Variants in PCDHGA6 observed in about 807,000 individuals in gnomAD.
PCDHGA6 encodes protocadherin gamma subfamily A, 6.
A neutral mutation model predicts 60.6 loss-of-function variants in PCDHGA6; 41 were observed. The ratio of observed to expected loss-of-function variants is 0.68; its 90% CI spans 0.53 to 0.88. The LOEUF is 0.88. Ranked by LOEUF, PCDHGA6 falls within the 40% of genes least tolerant of loss-of-function variation. PCDHGA6 has a pLI of 0.00. For missense variants in PCDHGA6, 1,312 were observed against 1,203.0 expected (o/e 1.09, Z -1.34); for synonymous variants, 594 against 524.4 (o/e 1.13, Z -1.81).
intron 1 of PCDHGA6, chr5:141,398,682 A>G (rs767093587): frequency 1.4e-5 from 23 of 1,613,842 alleles, no homozygotes; most frequent in Non-Finnish European, 1.9e-5. Flanking sequence ...TTAAGGAGAA[A>G]CAGGATGGTA....
At chr5:141,506,188 C>A (rs925159785) in intron 3 of PCDHGA6, among the ~76,000 whole-genome samples, 1 of 152,058 alleles carries the variant, frequency 6.6e-6, no homozygotes, top group Non-Finnish European at 1.5e-5. Flanking sequence ...TGGTGGCTCA[C>A]GCCTGTAATC....
chr5:141,462,656 A>G (rs1427673992), intron 1 of PCDHGA6, among the ~76,000 whole-genome samples: 2 of 151,950 alleles, frequency 1.3e-5, no homozygotes, highest in African/African-American at 4.8e-5. Context: ...ATCCTCAATT[A>G]TCTTCATATT....
chr5:141,511,048 C>G lies in PCDHGA6; in HGVS notation c.2674C>G (p.Arg892Gly). The G allele has an allele frequency of 6.2e-7, 1 of 1,614,224 alleles. No homozygotes were observed. Among genetic ancestry groups the G allele is most frequent in the Non-Finnish European group, 8.5e-7 (1 of 1,180,028 alleles). ...QFTLQHVPDYRQNVYIPGSNA... is the reference protein window; with the variant it reads ...QFTLQHVPDYGQNVYIPGSNA... ...CACCCTGCAGCACGTGCCCGACTAC[C>G]GCCAGAATGTCTACATCCCAGGCAG... Residue 892 changes from arginine (R) to glycine (G), a missense_variant, in exon 4 of 4, where the codon CGC becomes GGC. Arg to Gly is a moderately radical substitution (Grantham distance 125, BLOSUM62 -2). Transcript: ENST00000517434.
rs371690754 is a variant in PCDHGA6 at position 141,388,891 on chromosome 5, T to C, written c.2424+12384T>C. 1.9e-5 allele frequency: 31 copies of C among 1,613,872 alleles called. No individual in the cohort carries two copies. Among genetic ancestry groups the C allele is most frequent in the Middle Eastern group, 1.6e-4 (1 of 6,062 alleles). On this transcript the variant is annotated intron_variant, in intron 1 of 3. Coordinates refer to ENST00000517434, the MANE Select transcript of PCDHGA6 (RefSeq NM_018919.3). ...CAATGCACAGTGGAGGTAGAAGTCA[T>C]AGATGAAAATGACAACGCCCCAGAA... is the stretch of plus-strand genomic sequence containing the variant.
At chr5:141,429,091 T>A (rs985605582) in intron 1 of PCDHGA6, 2 of 152,160 alleles carry the variant, frequency 1.3e-5, no homozygotes, top group African/African-American at 4.8e-5. Flanking sequence ...CCTGACCTCG[T>A]GATCTGCCCG....
Position 141,491,329 on chromosome 5 carries a change from G to A in PCDHGA6, c.2425-3478G>A. The A allele has an allele frequency of 6.2e-7, 1 of 1,614,142 alleles. No individual in the cohort carries two copies. Among genetic ancestry groups the A allele is most frequent in the Non-Finnish European group, 8.5e-7 (1 of 1,180,022 alleles). On this transcript the variant is annotated intron_variant, in intron 1 of 3. Coordinates refer to ENST00000517434, the MANE Select transcript of PCDHGA6 (RefSeq NM_018919.3). The surrounding 1 kb of genome is among the most constrained non-coding windows in gnomAD (Gnocchi z 6.9). ...AGACCTTACCCTTTACCTCATTGTG[G>A]CTCTAGCGACCGTCAGTCTCTTATC...
At chr5:141,444,299 G>A (rs1017908182) in intron 1 of PCDHGA6, among the ~76,000 whole-genome samples, 20 of 150,672 alleles carry the variant, frequency 1.3e-4, no homozygotes, top group Non-Finnish European at 2.7e-4. Context: ...AGCCTCCCTA[G>A]TAGCTAGGAT....
chr5:141,403,960 G>C (rs775638627), intron 1 of PCDHGA6: 2 of 1,613,658 alleles, frequency 1.2e-6, no homozygotes, highest in African/African-American at 1.3e-5. Flanking sequence ...TGCTCATTTC[G>C]GTGGAAGATG....
Position 141,485,574 on chromosome 5 carries a change from C to T in PCDHGA6, c.2425-9233C>T. 1 of 1,612,568 alleles carries T rather than the reference C, an allele frequency of 6.2e-7. No homozygotes were observed. Among genetic ancestry groups the T allele is most frequent in the Non-Finnish European group, 8.5e-7 (1 of 1,178,752 alleles). On this transcript the variant is annotated intron_variant, in intron 1 of 3. Transcript: ENST00000517434. This position sits in a 1 kb window ranked among gnomAD's most constrained non-coding sequence, Gnocchi z 5.7. ...GTGAATGATCACGCCCCCCGTTTTCCGCGGCAGCAGCTGGACTTGGAAATT... is the reference window on the plus strand; with the variant it reads ...GTGAATGATCACGCCCCCCGTTTTCTGCGGCAGCAGCTGGACTTGGAAATT...
At chr5:141,443,792 A>G (rs540226154) in intron 1 of PCDHGA6, among the ~76,000 whole-genome samples, 67 of 152,366 alleles carry the variant, frequency 4.4e-4, no homozygotes, top group African/African-American at 1.4e-3. Flanking sequence ...AAAAAAAATG[A>G]AAAGGAAACA....
At position 141,374,317 on chromosome 5, in the gene PCDHGA6, T is replaced by C; in HGVS notation, c.234T>C (p.Asn78=). The C allele has an allele frequency of 1.2e-6, 2 of 1,613,982 alleles. No individual in the cohort carries two copies. Among genetic ancestry groups the C allele is most frequent in the East Asian group, 2.2e-5 (1 of 44,860 alleles). The change falls in exon 1 of 4, where the codon AAT becomes AAC. Residue 78 remains asparagine, a synonymous_variant. Coordinates refer to ENST00000517434, the MANE Select transcript of PCDHGA6 (RefSeq NM_018919.3). The part of the protein sequence containing the change: ...SRGRMQLFSL[N]PRNGSLVTAG... ...GTAGGATGCAGCTTTTCTCTCTGAA[T>C]CCGCGAAACGGCAGCTTGGTCACCG... is the stretch of plus-strand genomic sequence containing the variant.
rs150249178 is a variant in PCDHGA6 at position 141,432,742 on chromosome 5, C to A, written c.2424+56235C>A. 154 of 1,614,076 alleles carry A rather than the reference C, an allele frequency of 9.5e-5. No individual in the cohort carries two copies. In the Middle Eastern group the frequency reaches 1.3e-3, roughly 14 times the overall value. On this transcript the variant is annotated intron_variant, in intron 1 of 3. Transcript: ENST00000517434. This position sits in a 1 kb window ranked among gnomAD's most constrained non-coding sequence, Gnocchi z 6.0. ...CTCTCTCCGCCACTGTCACGCTCAC[C>A]GTGGCCGTGGCCGACAGCATCCCCC... is the stretch of plus-strand genomic sequence containing the variant.
At chr5:141,415,252 C>T (rs895920596) in intron 1 of PCDHGA6, 5 of 1,614,098 alleles carry the variant, frequency 3.1e-6, no homozygotes, top group Non-Finnish European at 4.2e-6. Context: ...AACCTCAGAC[C>T]TCACTCTGTA....
At chr5:141,479,671 G>A (rs1484965995) in intron 1 of PCDHGA6, 1 of 152,196 alleles carries the variant, frequency 6.6e-6, no homozygotes, top group Non-Finnish European at 1.5e-5. Flanking sequence ...AACTACAAAA[G>A]GAGAGTCTTT....
At chr5:141,395,110 GTCACCTGATCTT>G in intron 1 of PCDHGA6, 2 of 1,614,214 alleles carry the variant, frequency 1.2e-6, no homozygotes, top group African/African-American at 1.3e-5. Flanking sequence ...TCGCGGAAGA[GTCACCTGATCTT>G]TCCCCAGCCC....
At chr5:141,407,621 T>C (rs993791058) in intron 1 of PCDHGA6, among the ~76,000 whole-genome samples, 1 of 152,202 alleles carries the variant, frequency 6.6e-6, no homozygotes, top group African/African-American at 2.4e-5. Flanking sequence ...GTTGACATTC[T>C]ATATCTCGTA....
chr5:141,489,247 C>T lies in PCDHGA6; in HGVS notation c.2425-5560C>T. 6.5e-7 allele frequency: 1 copy of T among 1,546,012 alleles called. No individual in the cohort carries two copies. The highest frequency in any genetic ancestry group is 8.7e-7 in the Non-Finnish European group (1 of 1,146,298). ...ACAAAGGGACTTCTGGGTCATGGGGCCCAAGACACTCCCACAGCTCGCTGG... is the reference window on the plus strand; with the variant it reads ...ACAAAGGGACTTCTGGGTCATGGGGTCCAAGACACTCCCACAGCTCGCTGG... On this transcript the variant is annotated intron_variant, in intron 1 of 3. Coordinates refer to ENST00000517434, the MANE Select transcript of PCDHGA6 (RefSeq NM_018919.3). This position sits in a 1 kb window ranked among gnomAD's most constrained non-coding sequence, Gnocchi z 4.5.
In PCDHGA6 at chr5:141,392,739, A is replaced by G. The variant is rs1024855569; in HGVS notation, c.2424+16232A>G. On this transcript the variant is annotated intron_variant, in intron 1 of 3. Transcript: ENST00000517434. ...GTTTCCGGAGGATTGTCATCTCCAT[A>G]GCTGCGGCAAGAAACTAAATAAGAC... The G allele has an allele frequency of 2.1e-5, 30 of 1,432,662 alleles. No individual in the cohort carries two copies. The African/African-American group carries it at 4.2e-4, about 20-fold the overall frequency. 88.7% of individuals were successfully genotyped at this position (1,432,662 alleles called of 1,614,324 possible).
In PCDHGA6 at chr5:141,485,609, G is replaced by A. The variant is rs1432367043; in HGVS notation, c.2425-9198G>A. The A allele has an allele frequency of 6.2e-7, 1 of 1,612,252 alleles. No homozygotes were observed. Among genetic ancestry groups the A allele is most frequent in the Non-Finnish European group, 8.5e-7 (1 of 1,178,656 alleles). On this transcript the variant is annotated intron_variant, in intron 1 of 3. Transcript: ENST00000517434. This position sits in a 1 kb window ranked among gnomAD's most constrained non-coding sequence, Gnocchi z 5.7. ...GCTGGACTTGGAAATTGGGGAGGCA[G>A]CTCCTCCAGGACAGCGTTTCCCGTT...
Sources: gnomAD v4.1 joint callset for allele counts (sites outside exome capture counted in the v4.1 genomes callset) on GRCh38, gnomAD v4.1.1 for gene constraint, Gnocchi (gnomAD v3.1) non-coding constraint, MANE v1.5 for transcripts, NCBI Gene and HGNC (gene_info 2026-07-23, HGNC 2026-07-21) for gene names.